The following ATP9B variants were observed in gnomAD, a reference collection of about 807,000 sequenced individuals.
The protein encoded by ATP9B is ATPase phospholipid transporting 9B, also known as probable phospholipid-transporting ATPase IIB.
A neutral mutation model predicts 146.1 loss-of-function variants in ATP9B; 110 were observed. The ratio of observed to expected loss-of-function variants is 0.75; its 90% confidence interval spans 0.65 to 0.88. ATP9B has a LOEUF of 0.88. ATP9B is among the 40% of genes least tolerant of loss of function. The pLI is 0.00. For synonymous variants in ATP9B, 604 were observed against 569.7 expected (o/e 1.06, Z -0.86); for missense variants, 1,499 against 1,496.4 (o/e 1.00, Z -0.03).
intron 6 of ATP9B, among the ~76,000 whole-genome samples, chr18:79,152,511 A>C (rs1177083059): frequency 6.6e-6 from 1 of 152,176 alleles, no homozygotes; most frequent in East Asian, 1.9e-4. Flanking sequence ...TCTGCTATTA[A>C]TCTTCATTTA....
chr18:79,302,096 G>A (rs546505675), intron 13 of ATP9B, among the ~76,000 whole-genome samples: 1 of 152,330 alleles, frequency 6.6e-6, no homozygotes, highest in African/African-American at 2.4e-5. Flanking sequence ...ACATAAAAAT[G>A]AGTGAATATT....
At chr18:79,101,903 A>AT (rs1364024639) in intron 2 of ATP9B, among the ~76,000 whole-genome samples, 1 of 152,044 alleles carries the variant, frequency 6.6e-6, no homozygotes, top group Non-Finnish European at 1.5e-5. Context: ...GTCCTCTGTC[A>AT]GACATGTAGT....
intron 7 of ATP9B, among the ~76,000 whole-genome samples, chr18:79,158,517 A>C (rs558974785): frequency 6.6e-6 from 1 of 152,196 alleles, no homozygotes; most frequent in African/African-American, 2.4e-5. Context: ...GGTCTTGACC[A>C]CCTGGCCTCA....
At chr18:79,343,954 A>G (rs2096872352) in intron 20 of ATP9B, 1 of 433,614 alleles carries the variant, frequency 2.3e-6, no homozygotes, top group Admixed American at 4.0e-5. Context: ...GAAGGTAATT[A>G]TTAACTCATA....
chr18:79,288,039 A>G (rs1241452123), intron 13 of ATP9B, among the ~76,000 whole-genome samples: 9 of 151,546 alleles, frequency 5.9e-5, no homozygotes, highest in East Asian at 1.9e-4. Flanking sequence ...ACTTCCAACT[A>G]TGTGGTCAAT....
chr18:79,079,670 T>G (rs2073033361), intron 1 of ATP9B, among the ~76,000 whole-genome samples: 1 of 152,220 alleles, frequency 6.6e-6, no homozygotes, highest in South Asian at 2.1e-4. Flanking sequence ...ATTTGTCAAT[T>G]TTGGCTTTTG....
chr18:79,303,762 G>A lies in ATP9B; in HGVS notation c.1524+46G>A, dbSNP rs779639058. 3.6e-5 allele frequency: 51 copies of A among 1,416,744 alleles called. 1 individual carries two copies. The South Asian group carries it at 3.8e-4, about 11-fold the overall frequency. The allele number at this position is 1,416,744 out of a possible 1,614,324, so 87.8% of individuals were successfully genotyped here. A position where few individuals can be genotyped will look rare whatever the true frequency, so the allele number is the denominator to read the frequency against. Reference sequence around the variant, plus strand: ...CGGGGTCTGCTTCCACACACATCCCGCGCCATGAGTCCAGCTGAGCCTCGT... The same window carrying A: ...CGGGGTCTGCTTCCACACACATCCCACGCCATGAGTCCAGCTGAGCCTCGT... On this transcript the variant is annotated intron_variant, in intron 14 of 29. Transcript: ENST00000426216.
intron 2 of ATP9B, among the ~76,000 whole-genome samples, chr18:79,106,249 C>T (rs1013371925): frequency 2.0e-5 from 3 of 152,154 alleles, no homozygotes; most frequent in Non-Finnish European, 4.4e-5. Flanking sequence ...AGTAAAGCTC[C>T]TAGTTACTGT....
At position 79,368,924 on chromosome 18, in the gene ATP9B, A is replaced by T. The variant is rs554677432; in HGVS notation, c.3013-3901A>T. Among the ~76,000 whole-genome samples, 8 of 151,890 alleles carry T rather than the reference A, an allele frequency of 5.3e-5. No homozygotes were observed. In the South Asian group the frequency reaches 1.7e-3, roughly 32 times the overall value. On this transcript the variant is annotated intron_variant, in intron 26 of 29. Transcript: ENST00000426216. Reference sequence around the variant, plus strand: ...GCTTCCCTTCCTGCCAAGGCCAGAGACGCGTGCAGAGCCCCAGTTAATTGG... The same window carrying T: ...GCTTCCCTTCCTGCCAAGGCCAGAGTCGCGTGCAGAGCCCCAGTTAATTGG...
At chr18:79,093,989 C>T (rs555790345) in intron 1 of ATP9B, among the ~76,000 whole-genome samples, 1 of 152,290 alleles carries the variant, frequency 6.6e-6, no homozygotes, top group East Asian at 1.9e-4. Flanking sequence ...TGGCTTGTAT[C>T]CTGGACATTT....
intron 12 of ATP9B, among the ~76,000 whole-genome samples, chr18:79,270,687 G>C (rs2096245700): frequency 6.6e-6 from 1 of 151,852 alleles, no homozygotes. Context: ...GCCCATGTTT[G>C]CTTAACAACA....
In ATP9B at chr18:79,345,549, CAG is replaced by C; in HGVS notation, c.2595_2596del (p.Gly866GlufsTer8). ...ATTGTGACACTGCTGCAGCAGCACACAGGGAGACGCACCTGCGCCATCGGTGA... is the reference window on the plus strand; with the variant it reads ...ATTGTGACACTGCTGCAGCAGCACACGGAGACGCACCTGCGCCATCGGTGA... On this transcript the variant is annotated frameshift_variant, in exon 22 of 30. Coordinates refer to ENST00000426216, the MANE Select transcript of ATP9B (RefSeq NM_198531.5). LOFTEE classifies it high-confidence loss of function. 1 of 1,609,886 alleles carries C rather than the reference CAG, an allele frequency of 6.2e-7. No individual in the cohort carries two copies. Among genetic ancestry groups the C allele is most frequent in the Non-Finnish European group, 8.5e-7 (1 of 1,180,006 alleles).
At chr18:79,207,419 C>G (rs28567429) in intron 10 of ATP9B, among the ~76,000 whole-genome samples, 19,977 of 152,160 alleles carry the variant, frequency 0.13, 1,424 homozygotes, top group East Asian at 0.18. Context: ...GCTGAAGTGA[C>G]TGTGGAACGG....
intron 11 of ATP9B, among the ~76,000 whole-genome samples, chr18:79,217,163 T>C (rs1568425806): frequency 6.6e-6 from 1 of 152,168 alleles, no homozygotes; most frequent in Non-Finnish European, 1.5e-5. Flanking sequence ...TTAGATTTGG[T>C]ATTTATTTCT....
At chr18:79,127,735 A>G (rs9945968) in intron 5 of ATP9B, among the ~76,000 whole-genome samples, 14 of 152,136 alleles carry the variant, frequency 9.2e-5, no homozygotes, top group African/African-American at 3.4e-4. Context: ...TAGGAGTGAG[A>G]TTGCTGGATT....
intron 26 of ATP9B, chr18:79,362,641 A>C (rs762618550): frequency 6.6e-6 from 1 of 152,220 alleles, no homozygotes; most frequent in Non-Finnish European, 1.5e-5. Flanking sequence ...ATGGTGTGTA[A>C]CCGCTTAGGG....
chr18:79,207,245 G>T (rs570810112), intron 10 of ATP9B, among the ~76,000 whole-genome samples: 4 of 152,308 alleles, frequency 2.6e-5, no homozygotes, highest in Non-Finnish European at 5.9e-5. Flanking sequence ...GAGAGGTGCT[G>T]CAGCCTTCGT....
At chr18:79,103,858 G>A (rs558367108) in intron 2 of ATP9B, among the ~76,000 whole-genome samples, 4 of 152,238 alleles carry the variant, frequency 2.6e-5, no homozygotes, top group South Asian at 2.1e-4. Context: ...CCCCCACGAC[G>A]TTGTGAATTG....
intron 6 of ATP9B, among the ~76,000 whole-genome samples, chr18:79,152,642 CT>C (rs546120303): frequency 6.6e-6 from 1 of 151,620 alleles, no homozygotes; most frequent in African/African-American, 2.4e-5. Context: ...GGGGAAAGAA[CT>C]TTTTTTTTCT....
Sources: allele counts gnomAD v4.1 joint callset (sites outside exome capture counted in the v4.1 genomes callset), GRCh38; gene constraint gnomAD v4.1.1; transcripts MANE v1.5; gene names NCBI Gene and HGNC (gene_info 2026-07-23, HGNC 2026-07-21).